Variants in RHBDD1 observed in about 807,000 individuals in gnomAD.
The protein encoded by RHBDD1 is rhomboid-related protein 4.
A neutral mutation model predicts 36.3 loss-of-function variants in RHBDD1; 38 were observed. The observed-to-expected ratio is 1.05, with a 90% CI of 0.81 to 1.37. The LOEUF (loss-of-function observed/expected upper bound fraction) is 1.37, where lower values mean the gene tolerates loss of function less well. Ranked by LOEUF, RHBDD1 falls within the 40% of genes most tolerant of loss-of-function variation. The pLI, the probability that RHBDD1 is intolerant of heterozygous loss-of-function variation, is 0.00. For synonymous variants in RHBDD1, 151 were observed against 136.5 expected (o/e 1.11, Z -0.74); for missense variants, 393 against 377.6 (o/e 1.04, Z -0.34).
intron 7 of RHBDD1, among the ~76,000 whole-genome samples, chr2:226,912,174 G>A (rs979841533): frequency 2.6e-5 from 4 of 152,132 alleles, no homozygotes; most frequent in Non-Finnish European, 5.9e-5. Context: ...ATATGCCCTA[G>A]GATGTTTGTG....
chr2:226,815,778 A>G, the RHBDD1 span, among the ~76,000 whole-genome samples: 3 of 152,234 alleles, frequency 2.0e-5, no homozygotes, highest in African/African-American at 7.2e-5. Flanking sequence ...AAGTTTTAAA[A>G]TTCCAGTTCC....
At chr2:226,898,350 C>T (rs988474159) in intron 5 of RHBDD1, among the ~76,000 whole-genome samples, 3 of 152,182 alleles carry the variant, frequency 2.0e-5, no homozygotes, top group African/African-American at 7.2e-5. Flanking sequence ...TTGCAATACC[C>T]TTGTTTTTGT....
At chr2:226,930,284 A>G (rs935409015) in intron 8 of RHBDD1, among the ~76,000 whole-genome samples, 1 of 152,178 alleles carries the variant, frequency 6.6e-6, no homozygotes, top group African/African-American at 2.4e-5. Context: ...TAACTAAAAC[A>G]GCATGGTACT....
chr2:226,890,319 C>CT (rs1946580735), intron 5 of RHBDD1, among the ~76,000 whole-genome samples: 1 of 152,118 alleles, frequency 6.6e-6, no homozygotes, highest in Non-Finnish European at 1.5e-5. Flanking sequence ...CTACAGGATT[C>CT]TTTAGTATGT....
intron 1 of RHBDD1, chr2:226,836,295 T>C (rs1432130311): frequency 6.6e-6 from 1 of 152,394 alleles, no homozygotes. Context: ...GGGAGGGCGT[T>C]TCCTGGGGTA....
chr2:226,928,003 G>GATT lies in RHBDD1; in HGVS notation c.856+13653_856+13654insTTA, dbSNP rs533095757. Among the ~76,000 whole-genome samples the GATT allele has an allele frequency of 8.5e-5, 13 of 152,112 alleles. No individual in the cohort carries two copies. The South Asian group carries it at 2.7e-3, about 32-fold the overall frequency. On this transcript the variant is annotated intron_variant, in intron 8 of 8. Coordinates refer to ENST00000392062, the MANE Select transcript of RHBDD1 (RefSeq NM_001167608.3). Reference sequence around the variant, plus strand: ...GTCAAGCATTTAGTGTTGTATCTAAGAATCTTTTGATGTAACCCAAGACCA... The same window carrying GATT: ...GTCAAGCATTTAGTGTTGTATCTAAGATTAATCTTTTGATGTAACCCAAGACCA...
At chr2:226,938,300 A>G (rs1257381075) in intron 8 of RHBDD1, among the ~76,000 whole-genome samples, 1 of 151,574 alleles carries the variant, frequency 6.6e-6, no homozygotes, top group African/African-American at 2.4e-5. Flanking sequence ...TTTTCTTGTA[A>G]ATTTGTTTAA....
At chr2:226,835,410 C>T (rs1367892987), upstream of RHBDD1, among the ~76,000 whole-genome samples, 1 of 152,240 alleles carries the variant, frequency 6.6e-6, no homozygotes, top group Non-Finnish European at 1.5e-5. Flanking sequence ...TTGCGTGGTG[C>T]AGTCCCAGAC....
At chr2:226,870,611 T>C (rs1944721593) in intron 5 of RHBDD1, among the ~76,000 whole-genome samples, 1 of 152,130 alleles carries the variant, frequency 6.6e-6, no homozygotes, top group Non-Finnish European at 1.5e-5. Flanking sequence ...TAGTTGAAAA[T>C]TCATATATAA....
chr2:226,830,946 G>A (rs982941643), upstream of RHBDD1, among the ~76,000 whole-genome samples: 2 of 152,166 alleles, frequency 1.3e-5, no homozygotes, highest in African/African-American at 2.4e-5. Flanking sequence ...TGGGATTACG[G>A]GTGTGAGCCA....
chr2:226,992,756 G>A (rs1419777509), intron 8 of RHBDD1, among the ~76,000 whole-genome samples: 1 of 152,206 alleles, frequency 6.6e-6, no homozygotes, highest in African/African-American at 2.4e-5. Context: ...GGCGGGAATG[G>A]TGAGAGGTGC....
intron 3 of RHBDD1, among the ~76,000 whole-genome samples, chr2:226,842,605 G>A (rs1168153104): frequency 6.6e-6 from 1 of 152,098 alleles, no homozygotes; most frequent in Non-Finnish European, 1.5e-5. Context: ...TAGTTGTGTG[G>A]TCTCGTTTCT....
chr2:226,932,587 G>T (rs1423510114), intron 8 of RHBDD1, among the ~76,000 whole-genome samples: 1 of 151,906 alleles, frequency 6.6e-6, no homozygotes. Flanking sequence ...CTCGTTTTGT[G>T]CTGTGACTCG....
chr2:226,989,952 G>T (rs544958606), intron 8 of RHBDD1, among the ~76,000 whole-genome samples: 10 of 152,168 alleles, frequency 6.6e-5, no homozygotes, highest in Non-Finnish European at 1.5e-4. Context: ...CTCCACTGTT[G>T]CAGTCTTGAT....
intron 5 of RHBDD1, among the ~76,000 whole-genome samples, chr2:226,899,124 G>A (rs1947370057): frequency 6.6e-6 from 1 of 152,182 alleles, no homozygotes; most frequent in African/African-American, 2.4e-5. Context: ...CTGTCACAGT[G>A]GCACATGAGA....
intron 8 of RHBDD1, among the ~76,000 whole-genome samples, chr2:226,924,387 G>A (rs1381804697): frequency 6.6e-6 from 1 of 152,066 alleles, no homozygotes; most frequent in Non-Finnish European, 1.5e-5. Flanking sequence ...TATCCAAGTC[G>A]CAAAACAAAT....
chr2:226,972,092 C>T (rs895905431), intron 8 of RHBDD1, among the ~76,000 whole-genome samples: 1 of 152,026 alleles, frequency 6.6e-6, no homozygotes, highest in Admixed American at 6.6e-5. Flanking sequence ...CCCTAACTCC[C>T]AACAGGCCTT....
chr2:226,936,142 A>G (rs1950316441), intron 8 of RHBDD1, among the ~76,000 whole-genome samples: 1 of 152,142 alleles, frequency 6.6e-6, no homozygotes, highest in South Asian at 2.1e-4. Flanking sequence ...ATGCAAAACA[A>G]CACTTGCTTT....
intron 8 of RHBDD1, among the ~76,000 whole-genome samples, chr2:226,940,352 G>A (rs1485966548): frequency 1.3e-5 from 2 of 151,772 alleles, no homozygotes; most frequent in South Asian, 2.1e-4. Context: ...CTAATTGTAC[G>A]CATCAAACAT....
Sources: gnomAD v4.1 joint callset for allele counts (sites outside exome capture counted in the v4.1 genomes callset) on GRCh38, gnomAD v4.1.1 for gene constraint, MANE v1.5 for transcripts, NCBI Gene and HGNC (gene_info 2026-07-23, HGNC 2026-07-21) for gene names.